Variants in SPMAP2 observed in about 807,000 individuals in gnomAD.
SPMAP2 encodes sperm microtubule associated protein 2, also known as Theg homolog.
At chr19:364,293 C>T in the SPMAP2 span, among the ~76,000 whole-genome samples, 2,555 of 144,918 alleles carry the variant, frequency 0.018, 37 homozygotes, top group Non-Finnish European at 0.023. Flanking sequence ...GCTGAGATCG[C>T]GCCACTGCGC....
At chr19:371,369 G>GGTGT in the SPMAP2 span, 47 of 851,164 alleles carry the variant, frequency 5.5e-5, no homozygotes, top group East Asian at 4.4e-4. Context: ...CGGGGGTGGG[G>GGTGT]GTGTGTGTGT....
the SPMAP2 span, among the ~76,000 whole-genome samples, chr19:368,964 G>C: frequency 1.3e-5 from 2 of 152,184 alleles, no homozygotes; most frequent in Admixed American, 1.3e-4. This position sits in a 1 kb window ranked among gnomAD's most constrained non-coding sequence, Gnocchi z 4.1. Flanking sequence ...GCAGAAAGCC[G>C]TTGCTCAGAC....
At chr19:374,288 C>G in the SPMAP2 span, 1 of 1,613,758 alleles carries the variant, frequency 6.2e-7, no homozygotes, top group Non-Finnish European at 8.5e-7. Context: ...CGTGGTCTGG[C>G]GTGTCCTCAC....
At chr19:368,481 G>A in the SPMAP2 span, among the ~76,000 whole-genome samples, 1 of 152,132 alleles carries the variant, frequency 6.6e-6, no homozygotes, top group African/African-American at 2.4e-5. The surrounding 1 kb of genome is among the most constrained non-coding windows in gnomAD (Gnocchi z 4.1). Context: ...TGGGGAGGGA[G>A]GGAGGGAGGG....
At chr19:373,597 T>TGG in the SPMAP2 span, 2 of 1,529,672 alleles carry the variant, frequency 1.3e-6, no homozygotes, top group Admixed American at 3.5e-5. Context: ...GAAACAAGCC[T>TGG]GGGTCTCTGC....
the SPMAP2 span, chr19:362,256 A>G: frequency 1.3e-6 from 2 of 1,581,220 alleles, no homozygotes; most frequent in South Asian, 2.3e-5. Flanking sequence ...GGGGGTGGCA[A>G]GCTCATAGAG....
At chr19:374,008 C>T in the SPMAP2 span, 11 of 1,613,358 alleles carry the variant, frequency 6.8e-6, no homozygotes, top group Non-Finnish European at 9.3e-6. Flanking sequence ...CACAGCGTCC[C>T]TTCCTGCGAG....
At chr19:373,625 T>G in the SPMAP2 span, 5 of 1,203,834 alleles carry the variant, frequency 4.2e-6, no homozygotes, top group East Asian at 2.6e-5. Flanking sequence ...GTGGCCGAGG[T>G]GGGGTGTGGA....
At chr19:366,928 G>A in the SPMAP2 span, 4 of 1,021,038 alleles carry the variant, frequency 3.9e-6, no homozygotes, top group Non-Finnish European at 5.7e-6. Flanking sequence ...TCTGCTTCCG[G>A]ACCACACGTC....
At chr19:374,753 C>T in the SPMAP2 span, 2 of 284,116 alleles carry the variant, frequency 7.0e-6, no homozygotes, top group Non-Finnish European at 1.3e-5. Context: ...ACTCATCTCA[C>T]AGACATCTGT....
At chr19:371,372 G>A in the SPMAP2 span, 2 of 464,542 alleles carry the variant, frequency 4.3e-6, no homozygotes, top group South Asian at 4.9e-5. Context: ...GGGTGGGGGT[G>A]TGTGTGTGTG....
chr19:373,372 G>A, the SPMAP2 span: 74 of 1,172,418 alleles, frequency 6.3e-5, no homozygotes, highest in African/African-American at 8.7e-4. Context: ...CGAGGAGATG[G>A]GGCAAGGGAG....
the SPMAP2 span, among the ~76,000 whole-genome samples, chr19:375,113 G>A: frequency 4.5e-4 from 69 of 152,264 alleles, 1 homozygote; most frequent in African/African-American, 1.0e-3. Flanking sequence ...GACGGGAGCC[G>A]AGTCCCAGAG....
the SPMAP2 span, among the ~76,000 whole-genome samples, chr19:365,305 GC>G: frequency 6.6e-6 from 1 of 152,224 alleles, no homozygotes; most frequent in Non-Finnish European, 1.5e-5. Context: ...GGGTAAGGGG[GC>G]CAAGCAGTGG....
chr19:364,099 C>T, the SPMAP2 span, among the ~76,000 whole-genome samples: 745 of 151,234 alleles, frequency 4.9e-3, 3 homozygotes, highest in Non-Finnish European at 9.1e-3. Flanking sequence ...TCTGGGAGGC[C>T]GAGGCGGGCG....
At chr19:373,623 G>T in the SPMAP2 span, 33 of 1,298,380 alleles carry the variant, frequency 2.5e-5, no homozygotes, top group Non-Finnish European at 8.8e-6. Context: ...GGGTGGCCGA[G>T]GTGGGGTGTG....
the SPMAP2 span, among the ~76,000 whole-genome samples, chr19:370,775 G>T: frequency 9.9e-5 from 15 of 152,228 alleles, no homozygotes; most frequent in African/African-American, 3.6e-4. Flanking sequence ...ACCGACGCAC[G>T]CGAGAGTCTC....
the SPMAP2 span, chr19:362,077 T>G: frequency 1.6e-6 from 1 of 622,000 alleles, no homozygotes; most frequent in African/African-American, 1.9e-5. Flanking sequence ...AAATAAATAT[T>G]ATTGTCCTCC....
the SPMAP2 span, chr19:373,363 G>T: frequency 1.9e-6 from 2 of 1,058,466 alleles, no homozygotes; most frequent in African/African-American, 1.6e-5. Flanking sequence ...CAGAGGCTCC[G>T]AGGAGATGGG....
Sources: gnomAD v4.1 joint callset for allele counts (sites outside exome capture counted in the v4.1 genomes callset) on GRCh38, gnomAD v4.1.1 for gene constraint, Gnocchi (gnomAD v3.1) non-coding constraint, MANE v1.5 for transcripts, NCBI Gene and HGNC (gene_info 2026-07-23, HGNC 2026-07-21) for gene names.